The following CCDC73 variants were observed in gnomAD, a reference collection of about 807,000 sequenced individuals.
The protein encoded by CCDC73 is coiled-coil domain-containing protein 73.
Under a neutral mutation model 116.5 loss-of-function variants are expected in CCDC73, and 95 were observed. The ratio of observed to expected loss-of-function variants is 0.82; its 90% CI spans 0.69 to 0.97. CCDC73 has a LOEUF of 0.97. CCDC73 is among the 50% of genes least tolerant of loss of function. The probability of loss-of-function intolerance (pLI) is 0.00; values close to 1 mark genes in which losing one functional copy is unlikely to be tolerated. For missense variants in CCDC73, 1,066 were observed against 1,206.8 expected (o/e 0.88, Z 1.73); for synonymous variants, 398 against 401.3 (o/e 0.99, Z 0.10).
chr11:32,730,458 T>C (rs1052187377), intron 2 of CCDC73, among the ~76,000 whole-genome samples: 4 of 152,256 alleles, frequency 2.6e-5, no homozygotes, highest in Non-Finnish European at 5.9e-5. Context: ...TGGTAGTTAT[T>C]CTTTTAACAT....
intron 12 of CCDC73, among the ~76,000 whole-genome samples, chr11:32,652,622 C>A (rs1006104301): frequency 2.0e-5 from 3 of 152,134 alleles, no homozygotes; most frequent in African/African-American, 7.2e-5. Context: ...TTATCAATGG[C>A]CAACAATGTC....
At chr11:32,745,110 G>T (rs974858328) in intron 2 of CCDC73, among the ~76,000 whole-genome samples, 3 of 152,104 alleles carry the variant, frequency 2.0e-5, no homozygotes, top group African/African-American at 4.8e-5. Flanking sequence ...TTGCGTCTTT[G>T]TTCTCATTGG....
the CCDC73 span, among the ~76,000 whole-genome samples, chr11:32,819,206 G>A: frequency 6.6e-6 from 1 of 150,602 alleles, no homozygotes; most frequent in East Asian, 1.9e-4. Flanking sequence ...GGTCTTAAAT[G>A]CAAAGAGGAA....
intron 1 of CCDC73, among the ~76,000 whole-genome samples, chr11:32,774,609 T>C (rs758111101): frequency 6.6e-6 from 1 of 151,636 alleles, no homozygotes. Flanking sequence ...GAAAAGCAAA[T>C]ATAAGAAAAG....
At chr11:32,708,527 A>T (rs1213790429) in intron 3 of CCDC73, among the ~76,000 whole-genome samples, 1 of 152,192 alleles carries the variant, frequency 6.6e-6, no homozygotes, top group African/African-American at 2.4e-5. Flanking sequence ...GATTCTAGTT[A>T]TCCATGAGCA....
intron 9 of CCDC73, among the ~76,000 whole-genome samples, chr11:32,669,222 C>A (rs915742281): frequency 2.6e-5 from 4 of 152,026 alleles, no homozygotes; most frequent in African/African-American, 7.2e-5. Context: ...CATCCAAATT[C>A]ATATTTATAG....
intron 1 of CCDC73, among the ~76,000 whole-genome samples, chr11:32,769,954 A>C (rs1850476866): frequency 1.3e-5 from 2 of 152,216 alleles, no homozygotes; most frequent in African/African-American, 4.8e-5. Context: ...GATTTGTATT[A>C]TGGTATCCTT....
chr11:32,757,777 T>C (rs1434675670), intron 2 of CCDC73, among the ~76,000 whole-genome samples: 1 of 152,228 alleles, frequency 6.6e-6, no homozygotes, highest in Non-Finnish European at 1.5e-5. Flanking sequence ...TCTCAGACTC[T>C]GATTCTCCTG....
At chr11:32,621,372 G>A (rs1037854292) in intron 14 of CCDC73, among the ~76,000 whole-genome samples, 6 of 151,954 alleles carry the variant, frequency 3.9e-5, no homozygotes, top group Admixed American at 1.3e-4. Context: ...AAGACCACAC[G>A]TCTACAACCA....
chr11:32,777,659 GTTA>G (rs1450407440), intron 1 of CCDC73, among the ~76,000 whole-genome samples: 2 of 151,944 alleles, frequency 1.3e-5, no homozygotes, highest in African/African-American at 2.4e-5. Context: ...CTTTTTAGAA[GTTA>G]TTATTACTTA....
intron 4 of CCDC73, among the ~76,000 whole-genome samples, chr11:32,702,067 C>A (rs1359853984): frequency 6.6e-6 from 1 of 152,212 alleles, no homozygotes; most frequent in Non-Finnish European, 1.5e-5. Flanking sequence ...TTAAAACTCC[C>A]ATAACCTTGG....
chr11:32,829,843 T>C, the CCDC73 span: 27 of 985,264 alleles, frequency 2.7e-5, no homozygotes, highest in Non-Finnish European at 3.1e-5. Flanking sequence ...GCCGGCCCAC[T>C]GCCCGCCCGC....
chr11:32,697,481 CTTTTT>C (rs771837421), intron 6 of CCDC73, among the ~76,000 whole-genome samples: 1 of 108,802 alleles, frequency 9.2e-6, no homozygotes, highest in East Asian at 2.8e-4. Context: ...TCTCTTTATT[CTTTTT>C]TTTTTTTTTT....
At chr11:32,681,669 C>T (rs905085007) in intron 7 of CCDC73, 18 of 152,056 alleles carry the variant, frequency 1.2e-4, no homozygotes, top group African/African-American at 4.1e-4. Context: ...CGTGCCTTCA[C>T]ACTAGTGGCT....
intron 9 of CCDC73, among the ~76,000 whole-genome samples, chr11:32,660,346 G>C (rs1191750732): frequency 6.6e-6 from 1 of 150,690 alleles, no homozygotes; most frequent in Non-Finnish European, 1.5e-5. Context: ...ACAGAGAAGA[G>C]AAGCCAACAG....
the CCDC73 span, among the ~76,000 whole-genome samples, chr11:32,803,595 A>T: frequency 6.6e-6 from 1 of 152,334 alleles, no homozygotes; most frequent in African/African-American, 2.4e-5. Flanking sequence ...GTATAGTGCC[A>T]TGAAATGGCA....
intron 1 of CCDC73, among the ~76,000 whole-genome samples, chr11:32,783,081 T>C (rs1351791082): frequency 6.6e-6 from 1 of 150,878 alleles, no homozygotes; most frequent in Non-Finnish European, 1.5e-5. Context: ...AAAGAACCCA[T>C]CAAGTGCCAG....
chr11:32,636,542 A>G (rs1459689852), intron 13 of CCDC73, among the ~76,000 whole-genome samples: 1 of 152,140 alleles, frequency 6.6e-6, no homozygotes, highest in East Asian at 1.9e-4. Flanking sequence ...TTGTCATGGA[A>G]AAGTATATTT....
chr11:32,629,752 G>A (rs1431632907), intron 14 of CCDC73, among the ~76,000 whole-genome samples: 5 of 115,906 alleles, frequency 4.3e-5, no homozygotes, highest in African/African-American at 1.4e-4. Context: ...TAGACCTCTT[G>A]CCAGAAGCAA....
Sources: gnomAD v4.1 joint callset for allele counts (sites outside exome capture counted in the v4.1 genomes callset) on GRCh38, gnomAD v4.1.1 for gene constraint, MANE v1.5 for transcripts, NCBI Gene and HGNC (gene_info 2026-07-23, HGNC 2026-07-21) for gene names.